Variants in B3GALT1 observed in about 807,000 individuals in gnomAD.
B3GALT1 encodes the protein UDP-Gal:betaGlcNAc beta 1,3-galactosyltransferase, polypeptide 1.
Under a neutral mutation model 23.2 loss-of-function variants are expected in B3GALT1, and 10 were observed. The ratio of observed to expected loss-of-function variants is 0.43; its 90% CI spans 0.27 to 0.73. The LOEUF (loss-of-function observed/expected upper bound fraction) is 0.73. Among genes scored for constraint, B3GALT1 ranks in the 30% least tolerant of loss-of-function variants. The pLI, the probability that B3GALT1 is intolerant of heterozygous loss-of-function variation, is 0.21. For synonymous variants in B3GALT1, 156 were observed against 141.5 expected (o/e 1.10, Z -0.73); for missense variants, 299 against 405.4 (o/e 0.74, Z 2.25).
chr2:167,573,866 A>G (rs752351652), intron 2 of B3GALT1, among the ~76,000 whole-genome samples: 4 of 151,652 alleles, frequency 2.6e-5, no homozygotes, highest in Non-Finnish European at 5.9e-5. Context: ...AATTCAAGAG[A>G]TGAAGCTCAT....
chr2:167,538,331 T>C (rs1373812018), intron 2 of B3GALT1, among the ~76,000 whole-genome samples: 1 of 152,242 alleles, frequency 6.6e-6, no homozygotes, highest in East Asian at 1.9e-4. Context: ...TACATATCTG[T>C]GTATATGCTT....
chr2:167,354,465 G>A (rs1243056915), intron 1 of B3GALT1, among the ~76,000 whole-genome samples: 1 of 151,232 alleles, frequency 6.6e-6, no homozygotes, highest in East Asian at 2.0e-4. Context: ...TCCTGCCTCA[G>A]CCTCCTGAGT....
chr2:167,820,170 T>G (rs1689076543), intron 4 of B3GALT1, among the ~76,000 whole-genome samples: 1 of 152,190 alleles, frequency 6.6e-6, no homozygotes, highest in Admixed American at 6.5e-5. Flanking sequence ...TAATACTTCC[T>G]CTTAGGGATC....
chr2:167,563,856 G>A (rs1456207791), intron 2 of B3GALT1, among the ~76,000 whole-genome samples: 5 of 146,482 alleles, frequency 3.4e-5, no homozygotes, highest in African/African-American at 7.5e-5. Context: ...AGGGGCGGCC[G>A]GGCAGAGGCG....
chr2:167,388,315 A>G (rs1034883711), intron 1 of B3GALT1, among the ~76,000 whole-genome samples: 1 of 152,210 alleles, frequency 6.6e-6, no homozygotes, highest in Non-Finnish European at 1.5e-5. Flanking sequence ...ATCTGAGGGA[A>G]GAATCTGGCC....
intron 2 of B3GALT1, among the ~76,000 whole-genome samples, chr2:167,544,205 T>C (rs1022101336): frequency 6.6e-6 from 1 of 152,228 alleles, no homozygotes; most frequent in African/African-American, 2.4e-5. Context: ...ATTGTCATGA[T>C]TGACTTTGAC....
intron 2 of B3GALT1, among the ~76,000 whole-genome samples, chr2:167,583,981 C>T (rs892022573): frequency 1.7e-5 from 2 of 121,100 alleles, no homozygotes; most frequent in African/African-American, 3.3e-5. Flanking sequence ...CCCAGCTGTC[C>T]AAAGGCATTG....
chr2:167,474,954 A>G (rs1476262479), intron 1 of B3GALT1, among the ~76,000 whole-genome samples: 1 of 152,182 alleles, frequency 6.6e-6, no homozygotes, highest in Non-Finnish European at 1.5e-5. Flanking sequence ...TAATAAATAA[A>G]TATACCTGCT....
intron 1 of B3GALT1, among the ~76,000 whole-genome samples, chr2:167,453,595 G>A (rs1699121882): frequency 1.3e-5 from 2 of 152,240 alleles, no homozygotes; most frequent in South Asian, 2.1e-4. Flanking sequence ...TTAGGAAAAA[G>A]TGTTCAATGT....
At chr2:167,307,686 G>A (rs1460604829) in intron 1 of B3GALT1, among the ~76,000 whole-genome samples, 1 of 151,894 alleles carries the variant, frequency 6.6e-6, no homozygotes, top group Non-Finnish European at 1.5e-5. Flanking sequence ...ATTCTGTTTT[G>A]CTTATATAGT....
At chr2:167,576,970 G>A (rs1233553976) in intron 2 of B3GALT1, among the ~76,000 whole-genome samples, 1 of 151,656 alleles carries the variant, frequency 6.6e-6, no homozygotes, top group Non-Finnish European at 1.5e-5. Context: ...TCTCCCATCT[G>A]TCCTTATTCC....
chr2:167,420,497 T>C (rs1698530155), intron 1 of B3GALT1, among the ~76,000 whole-genome samples: 2 of 152,246 alleles, frequency 1.3e-5, no homozygotes, highest in Non-Finnish European at 1.5e-5. Context: ...AAACATTGTG[T>C]ATTTCAAGAA....
At chr2:167,375,119 T>C (rs1009255406) in intron 1 of B3GALT1, among the ~76,000 whole-genome samples, 5 of 152,248 alleles carry the variant, frequency 3.3e-5, no homozygotes, top group East Asian at 1.9e-4. Flanking sequence ...TATTTTTTTG[T>C]CAACTTTGTT....
intron 3 of B3GALT1, among the ~76,000 whole-genome samples, chr2:167,752,552 A>T (rs1687754679): frequency 6.6e-6 from 1 of 151,290 alleles, no homozygotes; most frequent in African/African-American, 2.4e-5. Context: ...CCTTTCCATC[A>T]GTGCAGAATA....
chr2:167,302,525 G>A (rs549791628), intron 1 of B3GALT1, among the ~76,000 whole-genome samples: 2 of 151,946 alleles, frequency 1.3e-5, no homozygotes, highest in Admixed American at 1.3e-4. Context: ...TTCATAGTTG[G>A]TAACTTTTCA....
intron 1 of B3GALT1, among the ~76,000 whole-genome samples, chr2:167,324,766 C>A (rs1696866767): frequency 6.6e-6 from 1 of 151,984 alleles, no homozygotes; most frequent in Admixed American, 6.6e-5. Flanking sequence ...ATCGTGTTAA[C>A]TGTAGTCCCC....
At chr2:167,518,383 C>A (rs1187017185) in intron 2 of B3GALT1, among the ~76,000 whole-genome samples, 1 of 151,974 alleles carries the variant, frequency 6.6e-6, no homozygotes, top group Non-Finnish European at 1.5e-5. Context: ...AGTTACTAGA[C>A]CCTTTCATAA....
At position 167,762,299 on chromosome 2, in the gene B3GALT1, A is replaced by G. The variant is rs186876202; in HGVS notation, c.-351-56373A>G. On this transcript the variant is annotated intron_variant, in intron 3 of 4. Transcript: ENST00000392690. ...ATACATACAAGAAATTCAGATTACTAGACCAAGAATATGGCATTTTGAATG... is the reference window on the plus strand; with the variant it reads ...ATACATACAAGAAATTCAGATTACTGGACCAAGAATATGGCATTTTGAATG... 3.0e-3 allele frequency among the ~76,000 whole-genome samples: 453 copies of G among 152,334 alleles called. 6 individuals are homozygous for G. The highest frequency in any genetic ancestry group is 9.3e-4 in the Non-Finnish European group (63 of 68,038).
At chr2:167,439,220 T>C (rs1315244391) in intron 1 of B3GALT1, among the ~76,000 whole-genome samples, 1 of 152,228 alleles carries the variant, frequency 6.6e-6, no homozygotes, top group Non-Finnish European at 1.5e-5. Context: ...CTGCAAATTT[T>C]CTTCTACATT....
Sources: allele counts gnomAD v4.1 joint callset (sites outside exome capture counted in the v4.1 genomes callset), GRCh38; gene constraint gnomAD v4.1.1; transcripts MANE v1.5; gene names NCBI Gene and HGNC (gene_info 2026-07-23, HGNC 2026-07-21).